MPPED1: variants seen among roughly 807,000 people sequenced by gnomAD.
The protein encoded by MPPED1 is metallophosphoesterase domain containing 1, also known as metallophosphoesterase domain-containing protein 1.
Under a neutral mutation model 36.2 loss-of-function variants are expected in MPPED1, and 16 were observed. The observed-to-expected ratio is 0.44, with a 90% CI of 0.30 to 0.67. The LOEUF (loss-of-function observed/expected upper bound fraction) is 0.67, where lower values mean the gene tolerates loss of function less well. Ranked by LOEUF, MPPED1 falls within the 30% of genes least tolerant of loss-of-function variation. The pLI is 0.10. For missense variants in MPPED1, 307 were observed against 453.4 expected (o/e 0.68, Z 2.93); for synonymous variants, 199 against 191.3 (o/e 1.04, Z -0.33).
chr22:43,430,789 T>C (rs1012432617), intron 2 of MPPED1, among the ~76,000 whole-genome samples: 1 of 152,130 alleles, frequency 6.6e-6, no homozygotes, highest in African/African-American at 2.4e-5. Flanking sequence ...AGATTCCTGT[T>C]GTGAAGTCCT....
chr22:43,432,475 GAA>G (rs1298715513), intron 2 of MPPED1, among the ~76,000 whole-genome samples: 2 of 126,176 alleles, frequency 1.6e-5, no homozygotes, highest in African/African-American at 3.0e-5. Context: ...GAGAGAGAGA[GAA>G]AGGGAGGAGA....
intron 4 of MPPED1, among the ~76,000 whole-genome samples, chr22:43,481,573 G>A (rs1196633740): frequency 6.6e-6 from 1 of 152,182 alleles, no homozygotes; most frequent in Non-Finnish European, 1.5e-5. Flanking sequence ...ATGGCAAGCT[G>A]TGGGGACTCA....
At chr22:43,488,158 C>G (rs1270037120) in intron 4 of MPPED1, among the ~76,000 whole-genome samples, 1 of 152,110 alleles carries the variant, frequency 6.6e-6, no homozygotes, top group Admixed American at 6.5e-5. Flanking sequence ...GTGTGGGTGT[C>G]TGCTCTGTGT....
intron 4 of MPPED1, among the ~76,000 whole-genome samples, chr22:43,479,128 C>A (rs1931668783): frequency 6.6e-6 from 1 of 152,184 alleles, no homozygotes; most frequent in Non-Finnish European, 1.5e-5. Flanking sequence ...GCCCTCCACT[C>A]CCCTGGCGCC....
At position 43,462,292 on chromosome 22, in the gene MPPED1, A is replaced by G. The variant is rs185080405; in HGVS notation, c.407-12444A>G. Among the ~76,000 whole-genome samples, 39 of 152,322 alleles carry G rather than the reference A, an allele frequency of 2.6e-4. No homozygotes were observed. The Middle Eastern group carries it at 0.014, about 53-fold the overall frequency. ...CATTTTATTTGCATTCAGGCAATGA[A>G]TGTGCACTGTAAGTCACAGAGTGCT... On this transcript the variant is annotated intron_variant, in intron 3 of 6. Coordinates refer to ENST00000443721, the MANE Select transcript of MPPED1 (RefSeq NM_001044370.2).
intron 5 of MPPED1, among the ~76,000 whole-genome samples, chr22:43,500,391 ATGGAGGTGGTAGTGG>A (rs1932687335): frequency 1.0e-5 from 1 of 95,722 alleles, no homozygotes; most frequent in Admixed American, 9.5e-5. Flanking sequence ...GGTGATGGTG[ATGGAGGTGGTAGTGG>A]TGGTGATGGA....
intron 3 of MPPED1, among the ~76,000 whole-genome samples, chr22:43,457,110 C>T (rs1930781888): frequency 6.6e-6 from 1 of 152,192 alleles, no homozygotes; most frequent in African/African-American, 2.4e-5. Context: ...GTTTTGGTAT[C>T]AAAGCCTCCT....
At chr22:43,445,752 T>A (rs946442063) in intron 3 of MPPED1, among the ~76,000 whole-genome samples, 5 of 150,836 alleles carry the variant, frequency 3.3e-5, no homozygotes, top group African/African-American at 1.2e-4. Flanking sequence ...TGTATTTTTT[T>A]AGAGATGGGG....
At chr22:43,413,837 G>A (rs368019036) in intron 1 of MPPED1, among the ~76,000 whole-genome samples, 117 of 152,318 alleles carry the variant, frequency 7.7e-4, no homozygotes, top group African/African-American at 2.7e-3. Context: ...AGTCACGGAG[G>A]CTTAATCGTG....
intron 4 of MPPED1, among the ~76,000 whole-genome samples, chr22:43,491,950 CGGT>C (rs957744521): frequency 1.7e-4 from 8 of 47,338 alleles, no homozygotes; most frequent in Non-Finnish European, 3.1e-4. Context: ...ATGATGGAGG[CGGT>C]GGTGATGGAG....
intron 3 of MPPED1, among the ~76,000 whole-genome samples, chr22:43,440,156 G>A (rs1340289126): frequency 1.3e-5 from 2 of 152,256 alleles, no homozygotes; most frequent in Non-Finnish European, 2.9e-5. Context: ...GCTGGCCATG[G>A]TGACCCCAGC....
chr22:43,466,609 G>C (rs1442912668), intron 3 of MPPED1, among the ~76,000 whole-genome samples: 2 of 152,026 alleles, frequency 1.3e-5, no homozygotes, highest in East Asian at 3.9e-4. Context: ...TCTCTCCCTG[G>C]GTTAACCAGT....
chr22:43,422,581 G>C (rs1412930039), intron 1 of MPPED1, among the ~76,000 whole-genome samples: 1 of 152,170 alleles, frequency 6.6e-6, no homozygotes, highest in Non-Finnish European at 1.5e-5. Context: ...GAGTTCTCCA[G>C]GGCCTGTCTG....
In MPPED1 at chr22:43,480,061, ATGT is replaced by A. The variant is rs1274769968; in HGVS notation, c.632+5106_632+5108del. ...AAATTATTTGTAGAGATGGGGTCTC[ATGT>A]TGTTGCCCAGACTGATTTCAAACTC... On this transcript the variant is annotated intron_variant, in intron 4 of 6. Coordinates refer to ENST00000443721, the MANE Select transcript of MPPED1 (RefSeq NM_001044370.2). 2.6e-5 allele frequency among the ~76,000 whole-genome samples: 4 copies of A among 152,246 alleles called. No individual in the cohort carries two copies. The South Asian group carries it at 8.3e-4, about 32-fold the overall frequency.
intron 4 of MPPED1, among the ~76,000 whole-genome samples, chr22:43,475,260 C>T (rs1340237882): frequency 1.3e-5 from 2 of 152,130 alleles, no homozygotes; most frequent in Non-Finnish European, 2.9e-5. Flanking sequence ...CTGAGGCCCA[C>T]AGTGGGTGAG....
chr22:43,479,971 C>T (rs1379263714), intron 4 of MPPED1, among the ~76,000 whole-genome samples: 3 of 152,052 alleles, frequency 2.0e-5, no homozygotes, highest in African/African-American at 7.2e-5. Context: ...CAAGTGATCC[C>T]CCCACCTCAG....
Position 43,502,832 on chromosome 22 carries a change from G to C in MPPED1, c.862+75G>C. ...GACCCTCCAGCAGGACCTCCCCTTC[G>C]TTCAGCCAGAAGGGAAATAAATAGC... On this transcript the variant is annotated intron_variant, in intron 6 of 6. Transcript: ENST00000443721. The surrounding 1 kb of genome is among the most constrained non-coding windows in gnomAD (Gnocchi z 5.5). The C allele has an allele frequency of 8.0e-7, 1 of 1,257,428 alleles. No individual in the cohort carries two copies. Among genetic ancestry groups the C allele is most frequent in the Non-Finnish European group, 1.2e-6 (1 of 859,660 alleles). The allele number at this position is 1,257,428 out of a possible 1,614,324, so 77.9% of individuals were successfully genotyped here. A position where few individuals can be genotyped will look rare whatever the true frequency, so the allele number is the denominator to read the frequency against.
rs1931481579 is a variant in MPPED1 at position 43,474,560 on chromosome 22, C to T, written c.407-176C>T. On this transcript the variant is annotated intron_variant, in intron 3 of 6. Coordinates refer to ENST00000443721, the MANE Select transcript of MPPED1 (RefSeq NM_001044370.2). This position sits in a 1 kb window ranked among gnomAD's most constrained non-coding sequence, Gnocchi z 5.2. ...TGTGCTGTGTGTCTGTCTGTGTCCA[C>T]CCCTGCAGGCAGCCTGCCCTATGAG... Among the ~76,000 whole-genome samples the T allele has an allele frequency of 6.6e-6, 1 of 152,006 alleles. No individual in the cohort carries two copies. Among genetic ancestry groups the T allele is most frequent in the Admixed American group, 6.6e-5 (1 of 15,264 alleles).
intron 3 of MPPED1, among the ~76,000 whole-genome samples, chr22:43,439,616 T>G (rs560989491): frequency 6.6e-6 from 1 of 152,340 alleles, no homozygotes; most frequent in South Asian, 2.1e-4. Flanking sequence ...GAGAATTATT[T>G]TCTTGCCCCA....
Sources: gnomAD v4.1 joint callset for allele counts (sites outside exome capture counted in the v4.1 genomes callset) on GRCh38, gnomAD v4.1.1 for gene constraint, Gnocchi (gnomAD v3.1) non-coding constraint, MANE v1.5 for transcripts, NCBI Gene and HGNC (gene_info 2026-07-23, HGNC 2026-07-21) for gene names.